The following SYT1 variants were observed in gnomAD, a reference collection of about 807,000 sequenced individuals.
SYT1 encodes synaptotagmin 1, also known as synaptotagmin-1.
SYT1 carries 8 observed loss-of-function variants against 44.8 expected under a neutral mutation model. The observed-to-expected ratio is 0.18, with a 90% CI of 0.10 to 0.32. SYT1 has a LOEUF of 0.32. SYT1 is among the 10% of genes least tolerant of loss of function. SYT1 has a pLI of 1.00. For missense variants in SYT1, 286 were observed against 509.3 expected (o/e 0.56, Z 4.22); for synonymous variants, 154 against 188.8 (o/e 0.82, Z 1.51).
chr12:78,883,484 G>C (rs1301659447), intron 1 of SYT1, among the ~76,000 whole-genome samples: 1 of 151,634 alleles, frequency 6.6e-6, no homozygotes, highest in East Asian at 1.9e-4. Context: ...CTTCCAAGGT[G>C]AAATATGACT....
rs1050574571 is a variant in SYT1, at chr12:79,002,106, T to TA, written c.-84+24181dup. On this transcript the variant is annotated intron_variant, in intron 2 of 10. Coordinates refer to ENST00000261205, the MANE Select transcript of SYT1 (RefSeq NM_005639.3). ...TAGAAATGTTTATAGGTCCCTTTTA[T>TA]AAAAAAGTATAAAAATATAATGTTT... Among the ~76,000 whole-genome samples the TA allele has an allele frequency of 4.6e-5, 7 of 152,158 alleles. No individual in the cohort carries two copies. The East Asian group carries it at 1.2e-3, about 25-fold the overall frequency.
rs550785275 is a variant in SYT1, at chr12:78,931,189, A to G, written c.-216-46610A>G. Among the ~76,000 whole-genome samples, 158 of 20,116 alleles carry G rather than the reference A, an allele frequency of 7.9e-3. 4 individuals carry two copies. The highest frequency in any genetic ancestry group is 0.021 in the Admixed American group (29 of 1,360). The allele number at this position is 20,116 out of a possible 152,430, so 13.2% of individuals were successfully genotyped here. A position where few individuals can be genotyped will look rare whatever the true frequency, so the allele number is the denominator to read the frequency against. On this transcript the variant is annotated intron_variant, in intron 1 of 10. Coordinates refer to ENST00000261205, the MANE Select transcript of SYT1 (RefSeq NM_005639.3). ...AGAAAGAAAGAAAGAAAAAGAAAGAAAGAAAGAAAGAAAGAAAGAAAGAAA... is the reference window on the plus strand; with the variant it reads ...AGAAAGAAAGAAAGAAAAAGAAAGAGAGAAAGAAAGAAAGAAAGAAAGAAA...
At chr12:79,139,086 C>G (rs1869388286) in intron 3 of SYT1, among the ~76,000 whole-genome samples, 1 of 152,176 alleles carries the variant, frequency 6.6e-6, no homozygotes, top group Non-Finnish European at 1.5e-5. Context: ...CTACACATGT[C>G]CCGTAGCTCT....
At chr12:79,138,832 G>T (rs1465701599) in intron 3 of SYT1, among the ~76,000 whole-genome samples, 1 of 152,156 alleles carries the variant, frequency 6.6e-6, no homozygotes, top group Non-Finnish European at 1.5e-5. Context: ...CACATATGGT[G>T]GGGCCAGGGT....
At chr12:79,288,447 A>T (rs1414311339) in intron 5 of SYT1, among the ~76,000 whole-genome samples, 1 of 152,134 alleles carries the variant, frequency 6.6e-6, no homozygotes, top group African/African-American at 2.4e-5. Flanking sequence ...TAGGCTCTAT[A>T]TACAAGATAT....
chr12:79,446,177 A>G (rs796961833), intron 10 of SYT1, among the ~76,000 whole-genome samples: 93 of 151,654 alleles, frequency 6.1e-4, no homozygotes, highest in African/African-American at 2.1e-3. Flanking sequence ...ATGTAAAATA[A>G]GAATGATAAC....
chr12:79,203,378 A>G (rs540000430), intron 3 of SYT1, among the ~76,000 whole-genome samples: 1 of 152,254 alleles, frequency 6.6e-6, no homozygotes, highest in East Asian at 1.9e-4. Flanking sequence ...CAGGTACCAC[A>G]GGCAAACACA....
At chr12:79,372,372 A>G (rs1271602594) in intron 9 of SYT1, among the ~76,000 whole-genome samples, 5 of 152,224 alleles carry the variant, frequency 3.3e-5, no homozygotes. Context: ...ATTATAAGAC[A>G]TTATTATGTT....
At chr12:78,976,471 A>T (rs1200608362) in intron 1 of SYT1, 2 of 152,182 alleles carry the variant, frequency 1.3e-5, no homozygotes, top group Non-Finnish European at 2.9e-5. Context: ...TTCTATATGG[A>T]TTTATGCCAG....
intron 3 of SYT1, among the ~76,000 whole-genome samples, chr12:79,051,027 A>C (rs1033047261): frequency 2.0e-5 from 3 of 151,824 alleles, no homozygotes; most frequent in Non-Finnish European, 4.4e-5. Context: ...CTAAGCTCTT[A>C]TATCTAGTGA....
At chr12:79,240,573 T>G (rs1178134616) in intron 4 of SYT1, among the ~76,000 whole-genome samples, 2 of 152,194 alleles carry the variant, frequency 1.3e-5, no homozygotes, top group East Asian at 3.9e-4. Context: ...TCAGTTCATA[T>G]CAACAGGTTC....
At chr12:79,258,509 G>A (rs1255790686) in intron 4 of SYT1, among the ~76,000 whole-genome samples, 2 of 152,086 alleles carry the variant, frequency 1.3e-5, no homozygotes, top group Non-Finnish European at 2.9e-5. Context: ...CGTATGGTGC[G>A]TTTACTACTC....
chr12:79,441,204 G>T lies in SYT1; in HGVS notation c.929-2869G>T, dbSNP rs190384476. On this transcript the variant is annotated intron_variant, in intron 9 of 10. Transcript: ENST00000261205. Reference sequence around the variant, plus strand: ...CTGCAACGTAAGTGCTTTGGTACCTGTATCAGGGTCAATCTGCGAAGGCAA... The same window carrying T: ...CTGCAACGTAAGTGCTTTGGTACCTTTATCAGGGTCAATCTGCGAAGGCAA... Among the ~76,000 whole-genome samples the T allele has an allele frequency of 6.6e-5, 10 of 152,334 alleles. No homozygotes were observed. The East Asian group carries it at 1.9e-3, about 29-fold the overall frequency.
chr12:79,193,811 T>C (rs1434122952), intron 3 of SYT1, among the ~76,000 whole-genome samples: 2 of 152,194 alleles, frequency 1.3e-5, no homozygotes, highest in African/African-American at 2.4e-5. Context: ...CATTCTTATA[T>C]ATTTCTTCAT....
At chr12:79,301,117 A>G (rs1880130460) in intron 8 of SYT1, among the ~76,000 whole-genome samples, 1 of 151,994 alleles carries the variant, frequency 6.6e-6, no homozygotes. Context: ...TTTGGGTGAT[A>G]AAGTAGGACC....
At chr12:78,956,602 T>C (rs1879231888) in intron 1 of SYT1, among the ~76,000 whole-genome samples, 1 of 151,962 alleles carries the variant, frequency 6.6e-6, no homozygotes. Flanking sequence ...AAAAAAAGTG[T>C]TTATTGTCAA....
rs547080681 is a variant in SYT1 at position 79,255,756 on chromosome 12, T to C, written c.167-30031T>C. On this transcript the variant is annotated intron_variant, in intron 4 of 10. Transcript: ENST00000261205. ...AAGATTTCTTAAAATGAGGTGCCCT[T>C]GTGTTTGCAGTATATGCAGTTTTGT... 1.5e-3 allele frequency among the ~76,000 whole-genome samples: 225 copies of C among 152,298 alleles called. 1 individual carries two copies. The highest frequency in any genetic ancestry group is 3.4e-3 in the Middle Eastern group (1 of 294).
At chr12:79,260,882 T>C (rs1279727207) in intron 4 of SYT1, among the ~76,000 whole-genome samples, 1 of 152,082 alleles carries the variant, frequency 6.6e-6, no homozygotes, top group Admixed American at 6.6e-5. Flanking sequence ...TATTAAAATA[T>C]CCAACCATAT....
chr12:79,078,706 C>G (rs565155837), intron 3 of SYT1, among the ~76,000 whole-genome samples: 3 of 152,152 alleles, frequency 2.0e-5, no homozygotes, highest in South Asian at 4.2e-4. Context: ...CTACCCACCC[C>G]CAAAAGGCCC....
Sources: allele counts gnomAD v4.1 joint callset (sites outside exome capture counted in the v4.1 genomes callset), GRCh38; gene constraint gnomAD v4.1.1; transcripts MANE v1.5; gene names NCBI Gene and HGNC (gene_info 2026-07-23, HGNC 2026-07-21).